Variants in ADAM10 observed in about 807,000 individuals in gnomAD.
ADAM10 encodes the protein disintegrin and metalloproteinase domain-containing protein 10.
ADAM10 carries 17 observed loss-of-function variants against 90.1 expected under a neutral mutation model. That is an observed-to-expected ratio of 0.19 (90% CI 0.13 to 0.28). The LOEUF (loss-of-function observed/expected upper bound fraction) is 0.28. Among genes scored for constraint, ADAM10 ranks in the 10% least tolerant of loss-of-function variants. The probability of loss-of-function intolerance (pLI) is 1.00; values close to 1 mark genes in which losing one functional copy is unlikely to be tolerated. For missense variants in ADAM10, 610 were observed against 914.3 expected (o/e 0.67, Z 4.29); for synonymous variants, 310 against 298.6 (o/e 1.04, Z -0.40).
At chr15:58,610,044 G>C (rs1895394994) in intron 14 of ADAM10, 1 of 484,032 alleles carries the variant, frequency 2.1e-6, no homozygotes. Flanking sequence ...ACCCATCCAG[G>C]AGATGAACTA....
Position 58,661,652 on chromosome 15 carries a change from G to A in ADAM10, c.585+3445C>T, listed in dbSNP as rs375241710. Among the ~76,000 whole-genome samples the A allele has an allele frequency of 5.3e-5, 8 of 152,088 alleles. No homozygotes were observed. The East Asian group carries it at 5.8e-4, about 11-fold the overall frequency. ...GGTTTTCTTTGTGTTTATCCTGCAC[G>A]TGTTTCATTGAGTTTCTTGGACCAT... On this transcript the variant is annotated intron_variant, in intron 5 of 15. Coordinates refer to ENST00000260408, the MANE Select transcript of ADAM10 (RefSeq NM_001110.4).
At chr15:58,634,002 T>C (rs143051567) in intron 8 of ADAM10, among the ~76,000 whole-genome samples, 38 of 152,028 alleles carry the variant, frequency 2.5e-4, no homozygotes, top group African/African-American at 8.7e-4. Flanking sequence ...AGGTTAATAA[T>C]TGATTAATCC....
chr15:58,659,133 C>T (rs565237003), intron 5 of ADAM10, among the ~76,000 whole-genome samples: 222 of 151,948 alleles, frequency 1.5e-3, no homozygotes, highest in African/African-American at 4.9e-3. Context: ...ATTAGGTGGG[C>T]GTGGTGGTGC....
At chr15:58,693,000 G>T in intron 2 of ADAM10, 1 of 780,754 alleles carries the variant, frequency 1.3e-6, no homozygotes, top group Non-Finnish European at 2.3e-6. Flanking sequence ...CTTTACCACC[G>T]TCCAACTTGG....
chr15:58,729,178 C>T lies in ADAM10; in HGVS notation c.56-11451G>A, dbSNP rs564916659. Reference sequence around the variant, plus strand: ...TTTGAAACCAGCCTGGGCAACATAGCGAGACCCTGTCTCTATTTTTTAAAA... The same window carrying T: ...TTTGAAACCAGCCTGGGCAACATAGTGAGACCCTGTCTCTATTTTTTAAAA... On this transcript the variant is annotated intron_variant, in intron 1 of 15. Transcript: ENST00000260408. 4.6e-5 allele frequency among the ~76,000 whole-genome samples: 7 copies of T among 152,056 alleles called. No individual in the cohort carries two copies. The East Asian group carries it at 1.2e-3, about 25-fold the overall frequency.
chr15:58,589,836 GA>G lies in ADAM10; in HGVS notation c.*7710del, dbSNP rs1426688720. On this transcript the variant is annotated 3_prime_UTR_variant, in exon 16 of 16. Coordinates refer to ENST00000260408, the MANE Select transcript of ADAM10 (RefSeq NM_001110.4). Reference sequence around the variant, plus strand: ...AGTCATGATACAGACGCCCAGGTCTGAAAAGCGAAGCGCCTTTCACAACTCC... The same window carrying G: ...AGTCATGATACAGACGCCCAGGTCTGAAAGCGAAGCGCCTTTCACAACTCC... 1 of 152,134 alleles carries G rather than the reference GA, an allele frequency of 6.6e-6. No individual in the cohort carries two copies. Among genetic ancestry groups the G allele is most frequent in the Non-Finnish European group, 1.5e-5 (1 of 68,030 alleles). 9.4% of individuals were successfully genotyped at this position (152,134 alleles called of 1,614,324 possible).
chr15:58,700,322 G>A (rs1490462103), intron 2 of ADAM10, among the ~76,000 whole-genome samples: 1 of 152,148 alleles, frequency 6.6e-6, no homozygotes, highest in Non-Finnish European at 1.5e-5. Flanking sequence ...TACTCTCGAG[G>A]ATAGACCATA....
intron 11 of ADAM10, among the ~76,000 whole-genome samples, chr15:58,615,837 G>A (rs537599135): frequency 1.3e-4 from 19 of 151,856 alleles, no homozygotes; most frequent in Non-Finnish European, 2.4e-4. Context: ...GCAAAACCCC[G>A]TCTCTATTAA....
At chr15:58,636,204 G>A (rs559563300) in intron 8 of ADAM10, among the ~76,000 whole-genome samples, 4 of 151,896 alleles carry the variant, frequency 2.6e-5, no homozygotes, top group Admixed American at 6.6e-5. Context: ...TTGAACCCAG[G>A]AGGCGGGGGT....
intron 2 of ADAM10, among the ~76,000 whole-genome samples, chr15:58,702,969 G>C (rs916578862): frequency 6.6e-6 from 1 of 152,104 alleles, no homozygotes; most frequent in African/African-American, 2.4e-5. Context: ...CAAGCGACTG[G>C]ATTATAGCTT....
At position 58,646,126 on chromosome 15, in the gene ADAM10, A is replaced by C. The variant is rs1416119698; in HGVS notation, c.664T>G (p.Cys222Gly). Residue 222 changes from cysteine to glycine, a missense_variant, in exon 6 of 16, where the codon TGT becomes GGT. By Grantham distance (159) the Cys-to-Gly change is radical (BLOSUM62 -3). Transcript: ENST00000260408. ...KRTTSAEKNT[C>G]QLYIQTDHLF... ...TGATCAGTCTGAATATAAAGCTGAC[A>C]AGTATTTTTTTCAGCTGAAGTTGTA... 1 of 1,613,778 alleles carries C rather than the reference A, an allele frequency of 6.2e-7. No homozygotes were observed. Among genetic ancestry groups the C allele is most frequent in the Admixed American group, 1.7e-5 (1 of 60,024 alleles).
At position 58,591,737 on chromosome 15, in the gene ADAM10, T is replaced by G. The variant is rs1252215067; in HGVS notation, c.*5810A>C. On this transcript the variant is annotated 3_prime_UTR_variant, in exon 16 of 16. Transcript: ENST00000260408. ...TCAATCCTTATTTTTAAGCAAAAAC[T>G]TATACATCGTATCATTTCATTTTTT... The G allele has an allele frequency of 6.6e-6, 1 of 152,254 alleles. No homozygotes were observed. The highest frequency in any genetic ancestry group is 1.5e-5 in the Non-Finnish European group (1 of 68,042). 9.4% of individuals were successfully genotyped at this position (152,254 alleles called of 1,614,324 possible).
chr15:58,624,930 G>A (rs1485626035), intron 10 of ADAM10, among the ~76,000 whole-genome samples: 1 of 152,042 alleles, frequency 6.6e-6, no homozygotes, highest in Admixed American at 6.5e-5. Flanking sequence ...AAAGCAATAT[G>A]TACATTTTTA....
At chr15:58,601,987 G>T (rs1895124425) in intron 14 of ADAM10, among the ~76,000 whole-genome samples, 1 of 152,158 alleles carries the variant, frequency 6.6e-6, no homozygotes, top group Non-Finnish European at 1.5e-5. Flanking sequence ...CTTGATCACT[G>T]GATTAAGGTG....
intron 4 of ADAM10, among the ~76,000 whole-genome samples, chr15:58,669,617 G>A (rs1449677815): frequency 1.3e-5 from 2 of 152,074 alleles, no homozygotes; most frequent in Non-Finnish European, 2.9e-5. Context: ...TTGGTCCTTA[G>A]TAGTTATTTC....
intron 5 of ADAM10, among the ~76,000 whole-genome samples, chr15:58,655,700 A>ATAT (rs1566982272): frequency 1.6e-5 from 1 of 60,970 alleles, no homozygotes; most frequent in African/African-American, 1.2e-4. Flanking sequence ...TATATAGTAT[A>ATAT]TATATATATA....
At chr15:58,647,849 G>A (rs868451449) in intron 5 of ADAM10, among the ~76,000 whole-genome samples, 19 of 152,222 alleles carry the variant, frequency 1.2e-4, no homozygotes, top group Middle Eastern at 6.8e-3. Context: ...CACTGTGCCT[G>A]GCCTCAATTA....
intron 2 of ADAM10, among the ~76,000 whole-genome samples, chr15:58,687,339 C>T (rs1244793459): frequency 1.3e-5 from 2 of 152,122 alleles, no homozygotes; most frequent in Non-Finnish European, 2.9e-5. Context: ...TGTGGCTGTA[C>T]TTAAAGAAAT....
At chr15:58,739,800 G>T (rs569304656) in intron 1 of ADAM10, among the ~76,000 whole-genome samples, 54 of 152,274 alleles carry the variant, frequency 3.5e-4, no homozygotes, top group African/African-American at 1.2e-3. Flanking sequence ...AAATCATTAT[G>T]ACATTCAGTT....
Sources: allele counts gnomAD v4.1 joint callset (sites outside exome capture counted in the v4.1 genomes callset), GRCh38; gene constraint gnomAD v4.1.1; transcripts MANE v1.5; gene names NCBI Gene and HGNC (gene_info 2026-07-23, HGNC 2026-07-21).